Variants in IGFL2 observed in about 807,000 individuals in gnomAD.
The protein encoded by IGFL2 is IGF like family member 2, also known as insulin growth factor-like family member 2.
Under a neutral mutation model 13.9 loss-of-function variants are expected in IGFL2, and 7 were observed. The ratio of observed to expected loss-of-function variants is 0.51; its 90% CI spans 0.29 to 0.95. The LOEUF (loss-of-function observed/expected upper bound fraction) is 0.95, where lower values mean the gene tolerates loss of function less well. IGFL2 is among the 40% of genes least tolerant of loss of function. The pLI is 0.08. For synonymous variants in IGFL2, 55 were observed against 55.8 expected (o/e 0.99, Z 0.07); for missense variants, 138 against 147.8 (o/e 0.93, Z 0.34).
intron 1 of IGFL2, among the ~76,000 whole-genome samples, chr19:46,157,604 A>G (rs1476183169): frequency 3.9e-5 from 6 of 152,354 alleles, no homozygotes; most frequent in Admixed American, 3.9e-4. Context: ...AAAAACTCCC[A>G]GAAAAACAGG....
At chr19:46,207,740 A>G in the IGFL2 span, 64 of 152,320 alleles carry the variant, frequency 4.2e-4, no homozygotes, top group African/African-American at 1.4e-3. Context: ...TCTCATCTGG[A>G]AGAACAAAAG....
rs750169273 is a variant in IGFL2 at position 46,160,925 on chromosome 19, G to A, written c.341+44G>A. On this transcript the variant is annotated intron_variant, in intron 3 of 3. Coordinates refer to ENST00000377693, the MANE Select transcript of IGFL2 (RefSeq NM_001135113.2). ...GCCAGGGGGTCGGGGGAAGGGAGGT[G>A]GAAATGAGGAGGGGAGTCTAGATGT... 5.0e-6 allele frequency: 8 copies of A among 1,605,736 alleles called. No homozygotes were observed. In the East Asian group the frequency reaches 1.8e-4, roughly 36 times the overall value.
chr19:46,122,331 A>T, the IGFL2 span, among the ~76,000 whole-genome samples: 1 of 151,100 alleles, frequency 6.6e-6, no homozygotes, highest in Non-Finnish European at 1.5e-5. Flanking sequence ...GATATTTAGG[A>T]CAAATACTAA....
At chr19:46,169,890 G>A in the IGFL2 span, among the ~76,000 whole-genome samples, 6 of 149,420 alleles carry the variant, frequency 4.0e-5, no homozygotes, top group Non-Finnish European at 7.4e-5. Context: ...CCCTAGAATT[G>A]CCAGAATTTA....
At chr19:46,186,496 A>G in the IGFL2 span, among the ~76,000 whole-genome samples, 1 of 152,222 alleles carries the variant, frequency 6.6e-6, no homozygotes, top group Non-Finnish European at 1.5e-5. Flanking sequence ...CTGCAGGGAA[A>G]GAGTGCTATG....
chr19:46,093,299 CATTA>C, the IGFL2 span, among the ~76,000 whole-genome samples: 1 of 152,132 alleles, frequency 6.6e-6, no homozygotes, highest in Non-Finnish European at 1.5e-5. Context: ...AAACTTAAGA[CATTA>C]ATATCTCACT....
the IGFL2 span, among the ~76,000 whole-genome samples, chr19:46,167,870 G>T: frequency 2.0e-5 from 3 of 152,202 alleles, no homozygotes; most frequent in African/African-American, 7.2e-5. Context: ...CAGAAAGAGA[G>T]CCCTCAACAG....
the IGFL2 span, among the ~76,000 whole-genome samples, chr19:46,132,737 AAAG>A: frequency 6.6e-6 from 1 of 150,664 alleles, no homozygotes; most frequent in African/African-American, 2.4e-5. Flanking sequence ...GAGGGAGAGG[AAAG>A]AAGAAGAAAG....
At chr19:46,196,472 A>G in the IGFL2 span, among the ~76,000 whole-genome samples, 2 of 151,290 alleles carry the variant, frequency 1.3e-5, no homozygotes, top group Non-Finnish European at 1.5e-5. Flanking sequence ...CCCCAAACTT[A>G]TGCCTAGCCC....
the IGFL2 span, chr19:46,202,492 GAA>G: frequency 6.6e-6 from 1 of 152,166 alleles, no homozygotes; most frequent in South Asian, 2.1e-4. Flanking sequence ...TAAGTTTAGA[GAA>G]AAGAGAGGGT....
chr19:46,124,397 A>C, the IGFL2 span: 20 of 1,441,306 alleles, frequency 1.4e-5, no homozygotes, highest in Non-Finnish European at 1.8e-5. Context: ...AAACAAACAA[A>C]CAGAGGTTAG....
the IGFL2 span, among the ~76,000 whole-genome samples, chr19:46,130,063 A>G: frequency 5.9e-5 from 8 of 136,652 alleles, no homozygotes; most frequent in African/African-American, 1.7e-4. Context: ...GTGCATATGT[A>G]TTTAGGATAG....
chr19:46,099,916 T>C, the IGFL2 span, among the ~76,000 whole-genome samples: 1 of 152,140 alleles, frequency 6.6e-6, no homozygotes, highest in East Asian at 1.9e-4. Flanking sequence ...TTTATCCTTC[T>C]GCTTGATACC....
At chr19:46,189,661 T>C in the IGFL2 span, 1 of 152,438 alleles carries the variant, frequency 6.6e-6, no homozygotes, top group Non-Finnish European at 1.5e-5. Flanking sequence ...AGGCTCACAC[T>C]CTTGTCTTCT....
At chr19:46,084,732 C>T in the IGFL2 span, among the ~76,000 whole-genome samples, 1 of 152,176 alleles carries the variant, frequency 6.6e-6, no homozygotes, top group Non-Finnish European at 1.5e-5. Context: ...AGGGATGGCA[C>T]TAAGCCATTC....
At chr19:46,106,222 T>C in the IGFL2 span, among the ~76,000 whole-genome samples, 835 of 152,132 alleles carry the variant, frequency 5.5e-3, 13 homozygotes, top group African/African-American at 0.019. Flanking sequence ...AAATTTGGGC[T>C]TTGGAGGGGG....
chr19:46,085,191 A>G, the IGFL2 span, among the ~76,000 whole-genome samples: 2 of 152,138 alleles, frequency 1.3e-5, no homozygotes, highest in African/African-American at 4.8e-5. Flanking sequence ...GCGCCACTGC[A>G]CTCCAGCCTG....
At chr19:46,179,273 G>T in the IGFL2 span, among the ~76,000 whole-genome samples, 1 of 151,064 alleles carries the variant, frequency 6.6e-6, no homozygotes, top group African/African-American at 2.4e-5. Flanking sequence ...GAGCAGAGCT[G>T]GTTGTGGGGT....
chr19:46,150,274 C>T (rs990501640), intron 1 of IGFL2, among the ~76,000 whole-genome samples: 4 of 152,168 alleles, frequency 2.6e-5, no homozygotes, highest in East Asian at 1.9e-4. Flanking sequence ...GCTGGATACT[C>T]ATCCCTTATC....
Sources: allele counts gnomAD v4.1 joint callset (sites outside exome capture counted in the v4.1 genomes callset), GRCh38; gene constraint gnomAD v4.1.1; transcripts MANE v1.5; gene names NCBI Gene and HGNC (gene_info 2026-07-23, HGNC 2026-07-21).